The following LAMP3 variants were observed in gnomAD, a reference collection of about 807,000 sequenced individuals.
LAMP3 encodes the protein lysosome associated membrane protein 3, also known as lysosome-associated membrane glycoprotein 3.
LAMP3 carries 26 observed loss-of-function variants against 34.8 expected under a neutral mutation model. The ratio of observed to expected loss-of-function variants is 0.75; its 90% CI spans 0.55 to 1.04. The LOEUF (loss-of-function observed/expected upper bound fraction) is 1.04, where lower values mean the gene tolerates loss of function less well. Ranked by LOEUF, LAMP3 falls within the 50% of genes least tolerant of loss-of-function variation. LAMP3 has a pLI of 0.00. For missense variants in LAMP3, 495 were observed against 524.0 expected (o/e 0.94, Z 0.54); for synonymous variants, 180 against 201.9 (o/e 0.89, Z 0.92).
intron 3 of LAMP3, among the ~76,000 whole-genome samples, chr3:183,148,233 G>A (rs1011683834): frequency 6.6e-6 from 1 of 152,094 alleles, no homozygotes; most frequent in Admixed American, 6.6e-5. Context: ...GAAATCACTG[G>A]GAAACTCTCC....
At chr3:183,150,232 G>T (rs544628527) in intron 3 of LAMP3, among the ~76,000 whole-genome samples, 1 of 152,302 alleles carries the variant, frequency 6.6e-6, no homozygotes, top group South Asian at 2.1e-4. Flanking sequence ...GGAGCTCAAA[G>T]GATTTTCAGA....
chr3:183,127,855 G>A (rs935696305), intron 5 of LAMP3, among the ~76,000 whole-genome samples: 1 of 152,036 alleles, frequency 6.6e-6, no homozygotes, highest in Admixed American at 6.6e-5. Flanking sequence ...TGACTGGCTG[G>A]GCACGGTGGC....
chr3:183,126,563 T>TGTGTGTGCGC (rs1289493902), intron 5 of LAMP3, among the ~76,000 whole-genome samples: 7 of 149,056 alleles, frequency 4.7e-5, no homozygotes, highest in African/African-American at 1.8e-4. Context: ...TGTGTGTGTG[T>TGTGTGTGCGC]GCACACGTGT....
In LAMP3 at chr3:183,123,966, T is replaced by C; in HGVS notation, c.*115A>G. ...TGACTCACTTCATTTGAATAGAAGA[T>C]GGTGGTTTACATTGTTTGAAGGACC... On this transcript the variant is annotated 3_prime_UTR_variant, in exon 6 of 6. Coordinates refer to ENST00000265598, the MANE Select transcript of LAMP3 (RefSeq NM_014398.4). The C allele has an allele frequency of 9.4e-7, 1 of 1,058,972 alleles. No homozygotes were observed. The highest frequency in any genetic ancestry group is 1.4e-6 in the Non-Finnish European group (1 of 708,376). 65.6% of individuals were successfully genotyped at this position (1,058,972 alleles called of 1,614,324 possible).
Position 183,152,449 on chromosome 3 carries a change from C to T in LAMP3, c.814G>A (p.Gly272Arg), listed in dbSNP as rs148986218. The T allele has an allele frequency of 6.2e-6, 10 of 1,613,044 alleles. No individual in the cohort carries two copies. Among genetic ancestry groups the T allele is most frequent in the Non-Finnish European group, 8.5e-6 (10 of 1,179,592 alleles). The change falls in exon 3 of 6, where the codon GGG (glycine) becomes AGG (arginine). Residue 272 changes from glycine (G) to arginine (R), a missense_variant. Transcript: ENST00000265598. ...NIDPNATQAS[G>R]NCGTRKSNLL... ...TTGGATTTTCGGGTGCCACAGTTCC[C>T]AGAGGCTTGCGTTGCGTTGGGGTCG...
chr3:183,163,775 C>CG (rs1360278107), upstream of LAMP3: 1 of 152,296 alleles, frequency 6.6e-6, no homozygotes, highest in Non-Finnish European at 1.5e-5. Context: ...CCGCGGTTTG[C>CG]GGGAAGCAAC....
chr3:183,155,258 C>G lies in LAMP3; in HGVS notation c.50-867G>C, dbSNP rs540034060. On this transcript the variant is annotated intron_variant, in intron 1 of 5. Transcript: ENST00000265598. Reference sequence around the variant, plus strand: ...ATTACACCTACAGATCTTTGCCATGCGTTCATCCAATCTAGACTTAACTGT... The same window carrying G: ...ATTACACCTACAGATCTTTGCCATGGGTTCATCCAATCTAGACTTAACTGT... Among the ~76,000 whole-genome samples, 21 of 152,290 alleles carry G rather than the reference C, an allele frequency of 1.4e-4. No homozygotes were observed. In the Middle Eastern group the frequency reaches 0.01, roughly 74 times the overall value.
Position 183,123,319 on chromosome 3 carries a change from G to A in LAMP3, c.*762C>T, listed in dbSNP as rs1719710713. The A allele has an allele frequency of 6.6e-6, 1 of 152,222 alleles. No individual in the cohort carries two copies. The highest frequency in any genetic ancestry group is 2.4e-5 in the African/African-American group (1 of 41,448). The allele number at this position is 152,222 out of a possible 1,614,324, so 9.4% of individuals were successfully genotyped here. ...CATGCCTGTAATCCCAGCACTTTGG[G>A]AGGCTGAGGTGGGTGGATCACCTGA... On this transcript the variant is annotated 3_prime_UTR_variant, in exon 6 of 6. Coordinates refer to ENST00000265598, the MANE Select transcript of LAMP3 (RefSeq NM_014398.4).
At chr3:183,143,986 C>A (rs1048080463) in intron 3 of LAMP3, among the ~76,000 whole-genome samples, 3 of 152,144 alleles carry the variant, frequency 2.0e-5, no homozygotes, top group South Asian at 4.1e-4. Flanking sequence ...ATTCATCCTG[C>A]CCAGGACGCC....
chr3:183,152,595 C>T, intron 2 of LAMP3, 92 bp from the exon 3 acceptor site: 3 of 1,201,274 alleles, frequency 2.5e-6, no homozygotes, highest in Non-Finnish European at 3.5e-6. Flanking sequence ...GAGCCTGAAA[C>T]TTAAGGCTGA....
At position 183,154,310 on chromosome 3, in the gene LAMP3, G is replaced by T. The variant is rs1720761603; in HGVS notation, c.131C>A (p.Thr44Lys). The T allele has an allele frequency of 3.7e-6, 6 of 1,614,008 alleles. No individual in the cohort carries two copies. Among genetic ancestry groups the T allele is most frequent in the Middle Eastern group, 3.3e-4 (2 of 6,062 alleles). ...RDYSQPTAAA[T>K]VQDIKKPVQQ... ...GACAGGTTTTTTTATGTCCTGTACT[G>T]TTGCTGCTGCAGTAGGTTGAGAATA... The change falls in exon 2 of 6, where the codon ACA becomes AAA. Residue 44 changes from threonine (T) to lysine (K), a missense_variant. By Grantham distance (78) the Thr-to-Lys change is moderately conservative. Transcript: ENST00000265598.
At chr3:183,145,859 AAAAC>A (rs1414544495) in intron 3 of LAMP3, among the ~76,000 whole-genome samples, 5 of 152,182 alleles carry the variant, frequency 3.3e-5, no homozygotes, top group East Asian at 1.9e-4. Flanking sequence ...CCTGGTCTCA[AAAAC>A]AAACAAACAA....
chr3:183,150,611 A>C (rs1256700085), intron 3 of LAMP3, among the ~76,000 whole-genome samples: 3 of 125,840 alleles, frequency 2.4e-5, no homozygotes, highest in Non-Finnish European at 4.8e-5. Context: ...GCAATCATTG[A>C]ATCATTGCTC....
chr3:183,145,835 C>A (rs1030593427), intron 3 of LAMP3, among the ~76,000 whole-genome samples: 2 of 152,072 alleles, frequency 1.3e-5, no homozygotes, highest in African/African-American at 4.8e-5. Context: ...CCAGCCTGGG[C>A]GACAAGAGCA....
intron 3 of LAMP3, 146 bp downstream of exon 3, chr3:183,152,229 A>T: frequency 1.1e-6 from 1 of 869,578 alleles, no homozygotes; most frequent in Non-Finnish European, 1.7e-6. Context: ...TAAGATGTTG[A>T]CACTTCCTCC....
chr3:183,155,583 C>A (rs1008291005), intron 1 of LAMP3, among the ~76,000 whole-genome samples: 6 of 152,234 alleles, frequency 3.9e-5, no homozygotes, highest in Non-Finnish European at 7.3e-5. Context: ...GCTTTCACTG[C>A]ATTAATTACA....
At position 183,135,819 on chromosome 3, in the gene LAMP3, ACTTGAAGGAATGCCCGACTG is replaced by A. The variant is rs760108105; in HGVS notation, c.995_1014del (p.Ala332ValfsTer4). The A allele has an allele frequency of 5.8e-5, 93 of 1,613,902 alleles. No homozygotes were observed. The highest frequency in any genetic ancestry group is 7.5e-5 in the Non-Finnish European group (88 of 1,179,878). The stretch of plus-strand genomic sequence containing the variant: ...AACTGGAGGCTCTGTTCACTCACGC[ACTTGAAGGAATGCCCGACTG>A]CTGTCTGGAACATCACCACCGCATG... On this transcript the variant is annotated frameshift_variant, in exon 5 of 6. Coordinates refer to ENST00000265598, the MANE Select transcript of LAMP3 (RefSeq NM_014398.4). LOFTEE classifies it high-confidence loss of function.
chr3:183,142,251 C>T (rs1248467295), intron 3 of LAMP3, among the ~76,000 whole-genome samples: 5 of 152,236 alleles, frequency 3.3e-5, no homozygotes, highest in Admixed American at 1.3e-4. Context: ...GGGCAAAGAG[C>T]GTCCATCGAA....
In LAMP3 at chr3:183,154,328, T is replaced by TCCA. The variant is rs1196919386; in HGVS notation, c.112_113insTGG (p.Gln38delinsLeuGlu). 13 of 1,613,020 alleles carry TCCA rather than the reference T, an allele frequency of 8.1e-6. No individual in the cohort carries two copies. The Admixed American group carries it at 2.2e-4, about 27-fold the overall frequency. Reference sequence around the variant, plus strand: ...CTGTACTGTTGCTGCTGCAGTAGGTTGAGAATAATCTCTGGTTTCTGGAAA... The same window carrying TCCA: ...CTGTACTGTTGCTGCTGCAGTAGGTTCCAGAGAATAATCTCTGGTTTCTGGAAA... On this transcript the variant is annotated protein_altering_variant, in exon 2 of 6. Coordinates refer to ENST00000265598, the MANE Select transcript of LAMP3 (RefSeq NM_014398.4).
Sources: gnomAD v4.1 joint callset for allele counts (sites outside exome capture counted in the v4.1 genomes callset) on GRCh38, gnomAD v4.1.1 for gene constraint, MANE v1.5 for transcripts, NCBI Gene and HGNC (gene_info 2026-07-23, HGNC 2026-07-21) for gene names.